The following HIVEP2 variants were observed in gnomAD, a reference collection of about 807,000 sequenced individuals.
HIVEP2 encodes the protein HIVEP zinc finger 2, also known as transcription factor HIVEP2.
A neutral mutation model predicts 180.7 loss-of-function variants in HIVEP2; 14 were observed. The observed-to-expected ratio is 0.08, with a 90% CI of 0.05 to 0.12. HIVEP2 has a LOEUF of 0.12. HIVEP2 is among the 10% of genes least tolerant of loss of function. The pLI, the probability that HIVEP2 is intolerant of heterozygous loss-of-function variation, is 1.00. For missense variants in HIVEP2, 2,579 were observed against 3,008.5 expected, an observed-to-expected ratio of 0.86 and a Z score of 3.34; for synonymous variants, 1,184 against 1,136.4, an observed-to-expected ratio of 1.04 and a Z score of -0.84.
At chr6:142,909,710 C>G (rs1302681037) in intron 1 of HIVEP2, among the ~76,000 whole-genome samples, 1 of 152,110 alleles carries the variant, frequency 6.6e-6, no homozygotes. Context: ...CTTAGGGAGC[C>G]TCTTCTATGA....
At chr6:142,859,594 G>A (rs893512205) in intron 1 of HIVEP2, among the ~76,000 whole-genome samples, 2 of 152,042 alleles carry the variant, frequency 1.3e-5, no homozygotes, top group East Asian at 1.9e-4. Flanking sequence ...AGCACTTTGG[G>A]AGGCCAAGGT....
In HIVEP2 at chr6:142,764,676, TG is replaced by T. The variant is rs1371225449; in HGVS notation, c.5518+122del. The T allele has an allele frequency of 5.3e-6, 4 of 756,832 alleles. No homozygotes were observed. In the Admixed American group the frequency reaches 1.1e-4, roughly 20 times the overall value. 46.9% of individuals were successfully genotyped at this position (756,832 alleles called of 1,614,324 possible). On this transcript the variant is annotated intron_variant, in intron 7 of 9. Transcript: ENST00000367603. Reference sequence around the variant, plus strand: ...TACTTGAGGGAGAAAATATATTTCGTGGAATCATATTTTCACAAACAAACTA... The same window carrying T: ...TACTTGAGGGAGAAAATATATTTCGTGAATCATATTTTCACAAACAAACTA...
rs1163441137 is a variant in HIVEP2 at position 142,764,988 on chromosome 6, A to T, written c.5343-14T>A. ...TTCGATTTGTACCTGTTTTAAAAAG[A>T]GGGAATCCAGTGTGTTTTCAAATAT... On this transcript the variant is annotated splice_polypyrimidine_tract_variant and intron_variant, in intron 6 of 9. Coordinates refer to ENST00000367603, the MANE Select transcript of HIVEP2 (RefSeq NM_006734.4). 2 of 1,591,146 alleles carry T rather than the reference A, an allele frequency of 1.3e-6. No individual in the cohort carries two copies. The highest frequency in any genetic ancestry group is 4.5e-5 in the East Asian group (2 of 44,308).
At chr6:142,776,701 T>G (rs749169637) in intron 3 of HIVEP2, among the ~76,000 whole-genome samples, 8 of 152,072 alleles carry the variant, frequency 5.3e-5, no homozygotes, top group Non-Finnish European at 1.2e-4. Flanking sequence ...CCATCTAATT[T>G]TTGTATTTTG....
chr6:142,821,271 TA>T (rs554826339), intron 2 of HIVEP2, among the ~76,000 whole-genome samples: 1,574 of 143,348 alleles, frequency 0.011, 13 homozygotes, highest in African/African-American at 0.025. Context: ...GGACTACATT[TA>T]AAAAAAAAAA....
intron 2 of HIVEP2, among the ~76,000 whole-genome samples, chr6:142,821,333 A>T (rs1777033235): frequency 6.6e-6 from 1 of 152,192 alleles, no homozygotes; most frequent in Non-Finnish European, 1.5e-5. Context: ...TCTAACCCCG[A>T]ACCAAAGAAA....
At position 142,774,546 on chromosome 6, in the gene HIVEP2, C is replaced by G. The variant is rs939482727; in HGVS notation, c.193G>C (p.Gly65Arg). The G allele has an allele frequency of 2.5e-6, 4 of 1,614,084 alleles. No homozygotes were observed. The African/African-American group carries it at 4.0e-5, about 16-fold the overall frequency. ...IGNTASAQLF[G>R]SGKLASPSEV... is the part of the protein sequence containing the mutation. ...CTAGGGGAGGCCAGTTTCCCAGAAC[C>G]AAACAGTTGTGCTGATGCTGTGTTT... The change falls in exon 5 of 10, where the codon GGT becomes CGT. Residue 65 changes from glycine (G) to arginine (R), a missense_variant. By Grantham distance (125) the Gly-to-Arg change is moderately radical. Transcript: ENST00000367603. This position sits in a 1 kb window ranked among gnomAD's most constrained non-coding sequence, Gnocchi z 5.1.
At chr6:142,764,379 G>A (rs919782052) in intron 7 of HIVEP2, among the ~76,000 whole-genome samples, 3 of 152,090 alleles carry the variant, frequency 2.0e-5, no homozygotes, top group Non-Finnish European at 4.4e-5. Flanking sequence ...GGAGTGTGTG[G>A]GTCTCTACAT....
chr6:142,885,041 T>C (rs1440206905), intron 1 of HIVEP2, among the ~76,000 whole-genome samples: 1 of 152,144 alleles, frequency 6.6e-6, no homozygotes, highest in Non-Finnish European at 1.5e-5. Context: ...CACCTTTAAA[T>C]TCAAAATCTC....
At chr6:142,844,824 G>A (rs1775467491) in intron 1 of HIVEP2, among the ~76,000 whole-genome samples, 2 of 152,178 alleles carry the variant, frequency 1.3e-5, no homozygotes, top group Admixed American at 6.5e-5. Context: ...ATATTAATAT[G>A]AGAATGCTAA....
chr6:142,760,712 C>A, intron 8 of HIVEP2, 45 bp from the exon 9 acceptor site: 2 of 1,355,460 alleles, frequency 1.5e-6, no homozygotes, highest in South Asian at 1.4e-5. Flanking sequence ...ATCCAAATAT[C>A]AAGGTTAGGA....
chr6:142,938,304 A>G (rs1191830952), intron 1 of HIVEP2, among the ~76,000 whole-genome samples: 1 of 152,246 alleles, frequency 6.6e-6, no homozygotes. Flanking sequence ...GCAGTATAAA[A>G]TAACCTCAAT....
At chr6:142,788,932 T>C (rs1307487727) in intron 2 of HIVEP2, among the ~76,000 whole-genome samples, 2 of 152,182 alleles carry the variant, frequency 1.3e-5, no homozygotes, top group African/African-American at 2.4e-5. Context: ...AAACTATATA[T>C]GCTAATATAC....
intron 2 of HIVEP2, among the ~76,000 whole-genome samples, chr6:142,835,676 T>C (rs1775203504): frequency 6.6e-6 from 1 of 152,158 alleles, no homozygotes. Context: ...ATGAAAATTA[T>C]TGGTGGCAAA....
chr6:142,926,263 G>C (rs371561722), intron 1 of HIVEP2, among the ~76,000 whole-genome samples: 2 of 152,118 alleles, frequency 1.3e-5, no homozygotes, highest in Non-Finnish European at 2.9e-5. Context: ...CCAGGGCTTT[G>C]ACACTGTCTT....
chr6:142,932,786 G>A (rs908739813), intron 1 of HIVEP2, among the ~76,000 whole-genome samples: 1 of 152,208 alleles, frequency 6.6e-6, no homozygotes, highest in African/African-American at 2.4e-5. Context: ...AATGCAAGCA[G>A]TCCTTGGTAA....
intron 1 of HIVEP2, among the ~76,000 whole-genome samples, chr6:142,942,348 T>C (rs141140696): frequency 2.0e-5 from 3 of 151,882 alleles, no homozygotes; most frequent in Non-Finnish European, 2.9e-5. Context: ...TTAAATTAAA[T>C]CAGCATAAAA....
chr6:142,892,532 G>A (rs1044621863), intron 1 of HIVEP2, among the ~76,000 whole-genome samples: 1 of 152,158 alleles, frequency 6.6e-6, no homozygotes, highest in Non-Finnish European at 1.5e-5. Context: ...AAGTACACAT[G>A]TCCAGACACA....
intron 2 of HIVEP2, among the ~76,000 whole-genome samples, chr6:142,795,082 T>G (rs1287411805): frequency 6.6e-6 from 1 of 152,194 alleles, no homozygotes; most frequent in Non-Finnish European, 1.5e-5. Context: ...GAGCAATATC[T>G]AATATAAACA....
Sources: allele counts gnomAD v4.1 joint callset (sites outside exome capture counted in the v4.1 genomes callset), GRCh38; gene constraint gnomAD v4.1.1; non-coding constraint Gnocchi (gnomAD v3.1); transcripts MANE v1.5; gene names NCBI Gene and HGNC (gene_info 2026-07-23, HGNC 2026-07-21).